Variants in RAVER2 observed in about 807,000 individuals in gnomAD.
RAVER2 encodes the protein ribonucleoprotein PTB-binding 2.
RAVER2 carries 46 observed loss-of-function variants against 78.1 expected under a neutral mutation model. The ratio of observed to expected loss-of-function variants is 0.59; its 90% CI spans 0.46 to 0.75. RAVER2 has a LOEUF of 0.75. Ranked by LOEUF, RAVER2 falls within the 30% of genes least tolerant of loss-of-function variation. The pLI is 0.00. For synonymous variants in RAVER2, 311 were observed against 313.3 expected (o/e 0.99, Z 0.08); for missense variants, 793 against 837.5 (o/e 0.95, Z 0.66).
Position 64,745,211 on chromosome 1 carries a change from CG to C in RAVER2, c.40del (p.Ala14ArgfsTer52). The C allele has an allele frequency of 8.5e-6, 9 of 1,056,804 alleles. No homozygotes were observed. The highest frequency in any genetic ancestry group is 1.0e-5 in the Non-Finnish European group (9 of 877,266). The allele number at this position is 1,056,804 out of a possible 1,614,324, so 65.5% of individuals were successfully genotyped here. On this transcript the variant is annotated frameshift_variant, in exon 1 of 12. Coordinates refer to ENST00000294428, the Ensembl canonical transcript of RAVER2. LOFTEE classifies it high-confidence loss of function. The surrounding 1 kb of genome is among the most constrained non-coding windows in gnomAD (Gnocchi z 4.3). ...CGGGAGACGGCGGCGGCGAGGGGGG[CG>C]CGGGCCTGGGCAGCGCGGCGGGGCT...
intron 1 of RAVER2, among the ~76,000 whole-genome samples, chr1:64,755,730 T>G (rs1557581661): frequency 1.4e-5 from 2 of 140,788 alleles, no homozygotes; most frequent in South Asian, 2.5e-4. Flanking sequence ...CATAGTTTTT[T>G]TTTTTTTTTT....
At chr1:64,761,222 A>G (rs1358586107) in intron 1 of RAVER2, among the ~76,000 whole-genome samples, 2 of 152,226 alleles carry the variant, frequency 1.3e-5, no homozygotes, top group Admixed American at 6.5e-5. Flanking sequence ...ATTGAAACGA[A>G]CTTTCCAGCC....
intron 1 of RAVER2, among the ~76,000 whole-genome samples, chr1:64,751,790 T>A (rs948857197): frequency 2.0e-5 from 3 of 151,942 alleles, no homozygotes; most frequent in Non-Finnish European, 4.4e-5. Context: ...TTAATTTTTT[T>A]AAAAAAAGCT....
intron 1 of RAVER2, among the ~76,000 whole-genome samples, chr1:64,762,097 A>G (rs1268338568): frequency 3.3e-5 from 5 of 152,386 alleles, no homozygotes; most frequent in Admixed American, 3.3e-4. Context: ...AGGTCAATGT[A>G]CAAGTATAAA....
At chr1:64,779,692 A>G (rs1465695646) in intron 3 of RAVER2, among the ~76,000 whole-genome samples, 2 of 151,890 alleles carry the variant, frequency 1.3e-5, no homozygotes, top group Non-Finnish European at 2.9e-5. Flanking sequence ...GAATTATATT[A>G]TGTTGTCATC....
chr1:64,766,904 T>G (rs1376984534), intron 1 of RAVER2, among the ~76,000 whole-genome samples: 1 of 152,178 alleles, frequency 6.6e-6, no homozygotes, highest in African/African-American at 2.4e-5. Context: ...GATGTTTTTG[T>G]AAGTTCAAGA....
At chr1:64,751,424 T>C (rs1288074053) in intron 1 of RAVER2, among the ~76,000 whole-genome samples, 1 of 152,196 alleles carries the variant, frequency 6.6e-6, no homozygotes, top group Non-Finnish European at 1.5e-5. Flanking sequence ...AATTGCTCCT[T>C]GAATTAACAA....
At chr1:64,757,192 C>T (rs552350678) in intron 1 of RAVER2, among the ~76,000 whole-genome samples, 11 of 152,324 alleles carry the variant, frequency 7.2e-5, no homozygotes, top group African/African-American at 2.2e-4. Flanking sequence ...TTCAACACAA[C>T]AGGACATTGC....
rs1174991333 is a variant in RAVER2, at chr1:64,745,407, G to C, written c.235G>C (p.Asp79His). Residue 79 changes from aspartate to histidine, a missense_variant, in exon 1 of 12, where the codon GAC becomes CAC. Asp to His is a moderately conservative substitution (Grantham distance 81). Coordinates refer to ENST00000294428, the Ensembl canonical transcript of RAVER2. This position sits in a 1 kb window ranked among gnomAD's most constrained non-coding sequence, Gnocchi z 4.3. ...AATCCTGGTGAAAAACCTGCCCCAG[G>C]ACAGCAACTGCCAGGTACTGGGACG... The C allele has an allele frequency of 3.9e-6, 6 of 1,535,942 alleles. No homozygotes were observed. The South Asian group carries it at 4.8e-5, about 12-fold the overall frequency.
chr1:64,799,076 C>T (rs1452094131), intron 5 of RAVER2, among the ~76,000 whole-genome samples: 1 of 152,198 alleles, frequency 6.6e-6, no homozygotes, highest in Non-Finnish European at 1.5e-5. Context: ...CAACCTCTCC[C>T]TATCATCCCC....
At chr1:64,792,786 TAATC>T (rs1652979966) in intron 5 of RAVER2, among the ~76,000 whole-genome samples, 4 of 152,250 alleles carry the variant, frequency 2.6e-5, no homozygotes, top group South Asian at 2.1e-4. Context: ...AGTGTCTTGT[TAATC>T]AATAAATTCC....
Position 64,747,033 on chromosome 1 carries a change from C to T in RAVER2, c.249+1612C>T, listed in dbSNP as rs147804275. Among the ~76,000 whole-genome samples, 793 of 152,290 alleles carry T rather than the reference C, an allele frequency of 5.2e-3. 11 individuals carry two copies. Among genetic ancestry groups the T allele is most frequent in the African/African-American group, 0.018 (753 of 41,562 alleles). ...ATATATTTAGACCCCAAATTGAAGA[C>T]GTTCTGTCTATTCTTGCTTTGCTGT... On this transcript the variant is annotated intron_variant, in intron 1 of 11. Transcript: ENST00000294428.
At chr1:64,824,528 A>G (rs1006766563) in intron 11 of RAVER2, among the ~76,000 whole-genome samples, 2 of 152,202 alleles carry the variant, frequency 1.3e-5, no homozygotes, top group Non-Finnish European at 2.9e-5. Flanking sequence ...TTTAAACAAC[A>G]ATTATGGGAG....
intron 11 of RAVER2, among the ~76,000 whole-genome samples, chr1:64,822,930 C>T (rs1653921379): frequency 6.6e-6 from 1 of 152,028 alleles, no homozygotes; most frequent in Non-Finnish European, 1.5e-5. Context: ...ATAAGCCAGA[C>T]AAAAAGTCCA....
intron 2 of RAVER2, among the ~76,000 whole-genome samples, chr1:64,769,941 G>A (rs1316739360): frequency 6.6e-6 from 1 of 151,862 alleles, no homozygotes; most frequent in African/African-American, 2.4e-5. Flanking sequence ...ATTTCATTTA[G>A]CAACTTGCTT....
At chr1:64,774,603 G>A (rs905641972) in intron 2 of RAVER2, among the ~76,000 whole-genome samples, 10 of 152,268 alleles carry the variant, frequency 6.6e-5, no homozygotes, top group African/African-American at 2.4e-4. Flanking sequence ...TTGAAGTCAG[G>A]TAGCCTGATG....
chr1:64,764,305 A>G (rs1368762200), intron 1 of RAVER2, among the ~76,000 whole-genome samples: 2 of 152,078 alleles, frequency 1.3e-5, no homozygotes, highest in Admixed American at 6.5e-5. Context: ...AAAGATGGAC[A>G]ATACAATTAT....
intron 1 of RAVER2, among the ~76,000 whole-genome samples, chr1:64,761,835 C>T (rs1048869353): frequency 2.6e-5 from 4 of 152,040 alleles, no homozygotes; most frequent in African/African-American, 9.7e-5. Flanking sequence ...GTGGGCCAGG[C>T]ACGGTGGTTT....
intron 2 of RAVER2, among the ~76,000 whole-genome samples, chr1:64,775,483 T>C (rs974080511): frequency 6.6e-6 from 1 of 152,132 alleles, no homozygotes. Flanking sequence ...TGATACGGAA[T>C]ACATGGGAAT....
Sources: allele counts gnomAD v4.1 joint callset (sites outside exome capture counted in the v4.1 genomes callset), GRCh38; gene constraint gnomAD v4.1.1; non-coding constraint Gnocchi (gnomAD v3.1); transcripts MANE v1.5; gene names NCBI Gene and HGNC (gene_info 2026-07-23, HGNC 2026-07-21).